DNM3: variants seen among roughly 807,000 people sequenced by gnomAD.
The protein encoded by DNM3 is dynamin 3.
DNM3 carries 47 observed loss-of-function variants against 101.6 expected under a neutral mutation model. The ratio of observed to expected loss-of-function variants is 0.46; its 90% CI spans 0.37 to 0.59. The LOEUF is 0.59. DNM3 is among the 20% of genes least tolerant of loss of function. The pLI is 0.00. For synonymous variants in DNM3, 385 were observed against 387.9 expected, an observed-to-expected ratio of 0.99 and a Z score of 0.09; for missense variants, 849 against 1,085.7, an observed-to-expected ratio of 0.78 and a Z score of 3.06.
chr1:172,144,808 C>T, intron 14 of DNM3: 4 of 327,838 alleles, frequency 1.2e-5, no homozygotes, highest in Non-Finnish European at 1.2e-5. Context: ...GACTGGGGAA[C>T]TGGCAATGAA....
At chr1:171,872,423 T>C (rs1256753190) in intron 1 of DNM3, among the ~76,000 whole-genome samples, 1 of 152,214 alleles carries the variant, frequency 6.6e-6, no homozygotes, top group East Asian at 1.9e-4. Flanking sequence ...GGATAGAAAC[T>C]GTGCCATATA....
chr1:172,354,775 T>C (rs2067366700), intron 17 of DNM3, among the ~76,000 whole-genome samples: 1 of 152,100 alleles, frequency 6.6e-6, no homozygotes. Context: ...CCTTGGGGCA[T>C]TTGCTATCAC....
chr1:172,119,770 C>A (rs1339655190), intron 13 of DNM3, among the ~76,000 whole-genome samples: 2 of 152,130 alleles, frequency 1.3e-5, no homozygotes, highest in African/African-American at 4.8e-5. Flanking sequence ...AAACATAGTC[C>A]TCCTACTCTC....
chr1:171,991,700 G>T (rs1036620763), intron 4 of DNM3, among the ~76,000 whole-genome samples: 5 of 152,288 alleles, frequency 3.3e-5, no homozygotes, highest in Middle Eastern at 6.8e-3. Context: ...CTCCTAGGAG[G>T]TCATATCTGT....
At chr1:171,908,506 C>CT (rs1558248079) in intron 1 of DNM3, among the ~76,000 whole-genome samples, 1 of 151,980 alleles carries the variant, frequency 6.6e-6, no homozygotes, top group African/African-American at 2.4e-5. Flanking sequence ...AGATTTCTAT[C>CT]TTTTTTCCCC....
At chr1:172,193,185 C>T (rs529489953) in intron 14 of DNM3, among the ~76,000 whole-genome samples, 1 of 151,908 alleles carries the variant, frequency 6.6e-6, no homozygotes, top group African/African-American at 2.4e-5. Context: ...CTTTTGAGAA[C>T]TGTCTGTTCA....
intron 1 of DNM3, among the ~76,000 whole-genome samples, chr1:171,849,315 C>T (rs948229915): frequency 6.6e-6 from 1 of 152,184 alleles, no homozygotes; most frequent in African/African-American, 2.4e-5. Context: ...CCTCACTTGG[C>T]CTCAGTTCCT....
intron 1 of DNM3, among the ~76,000 whole-genome samples, chr1:171,901,363 G>A (rs532193031): frequency 2.0e-5 from 3 of 152,128 alleles, no homozygotes; most frequent in Non-Finnish European, 4.4e-5. Context: ...AGCAGCTGAG[G>A]TGGTGGAGCA....
chr1:172,035,035 G>T (rs371524933), intron 6 of DNM3, among the ~76,000 whole-genome samples: 11 of 152,098 alleles, frequency 7.2e-5, no homozygotes, highest in African/African-American at 2.4e-4. Flanking sequence ...AAGTAAAAAT[G>T]AGAAATTATG....
intron 14 of DNM3, among the ~76,000 whole-genome samples, chr1:172,193,175 C>G (rs530394319): frequency 2.6e-5 from 4 of 152,008 alleles, no homozygotes; most frequent in Non-Finnish European, 5.9e-5. Flanking sequence ...TAAATGTCTT[C>G]TTTTGAGAAC....
intron 10 of DNM3, among the ~76,000 whole-genome samples, chr1:172,059,156 A>C (rs1328688384): frequency 6.6e-6 from 1 of 150,850 alleles, no homozygotes; most frequent in African/African-American, 2.4e-5. Flanking sequence ...AAGAAGTTGA[A>C]TCTCTGAATA....
At chr1:172,416,767 A>C (rs61806102), downstream of DNM3, among the ~76,000 whole-genome samples, 509 of 152,306 alleles carry the variant, frequency 3.3e-3, no homozygotes, top group Non-Finnish European at 5.8e-3. Flanking sequence ...GCTCGACAGA[A>C]ATTTAATTAC....
rs61805848 is a variant in DNM3 at position 171,994,249 on chromosome 1, T to C, written c.589+5101T>C. ...AACCAGATTCCTCTCTCCCTTCCAG[T>C]TTTTGTTGCTGTTTATTGTTGCTGC... On this transcript the variant is annotated intron_variant, in intron 4 of 20. Transcript: ENST00000627582. Among the ~76,000 whole-genome samples, 637 of 152,224 alleles carry C rather than the reference T, an allele frequency of 4.2e-3. 4 individuals are homozygous for C. The highest frequency in any genetic ancestry group is 5.7e-3 in the Non-Finnish European group (387 of 67,994).
intron 14 of DNM3, among the ~76,000 whole-genome samples, chr1:172,186,147 A>G (rs924803813): frequency 2.0e-5 from 3 of 152,120 alleles, no homozygotes. Flanking sequence ...GGGATGACAG[A>G]ACATCTTTTG....
intron 14 of DNM3, among the ~76,000 whole-genome samples, chr1:172,239,403 T>C (rs887645898): frequency 6.6e-6 from 1 of 152,128 alleles, no homozygotes; most frequent in Non-Finnish European, 1.5e-5. Context: ...GTATCCGAAG[T>C]CCCTGAATAC....
At chr1:171,923,107 G>A (rs2040306740) in intron 2 of DNM3, among the ~76,000 whole-genome samples, 1 of 152,116 alleles carries the variant, frequency 6.6e-6, no homozygotes, top group Non-Finnish European at 1.5e-5. Context: ...CTGTTTAATT[G>A]TTTAAGGAAC....
chr1:172,029,301 A>G (rs968660212), intron 4 of DNM3, among the ~76,000 whole-genome samples: 1 of 151,092 alleles, frequency 6.6e-6, no homozygotes, highest in African/African-American at 2.4e-5. Flanking sequence ...AGAACCAACG[A>G]CAAAAACCAC....
At chr1:172,188,286 G>A (rs188854983) in intron 14 of DNM3, among the ~76,000 whole-genome samples, 26 of 152,118 alleles carry the variant, frequency 1.7e-4, no homozygotes, top group Admixed American at 9.8e-4. Flanking sequence ...TTAGACTAAC[G>A]TCTCCAGATT....
intron 16 of DNM3, among the ~76,000 whole-genome samples, chr1:172,318,334 G>C (rs1189906824): frequency 6.6e-6 from 1 of 152,062 alleles, no homozygotes; most frequent in South Asian, 2.1e-4. Flanking sequence ...CACAAGACAG[G>C]GATGCCCTCT....
Sources: allele counts gnomAD v4.1 joint callset (sites outside exome capture counted in the v4.1 genomes callset), GRCh38; gene constraint gnomAD v4.1.1; transcripts MANE v1.5; gene names NCBI Gene and HGNC (gene_info 2026-07-23, HGNC 2026-07-21).